NEDD4L: variants seen among roughly 807,000 people sequenced by gnomAD.
NEDD4L encodes NEDD4 like E3 ubiquitin protein ligase, also known as E3 ubiquitin-protein ligase NEDD4-like.
NEDD4L carries 54 observed loss-of-function variants against 148.9 expected under a neutral mutation model. The observed-to-expected ratio is 0.36, with a 90% CI of 0.29 to 0.45. NEDD4L has a LOEUF of 0.45. Ranked by LOEUF, NEDD4L falls within the 20% of genes least tolerant of loss-of-function variation. The pLI, the probability that NEDD4L is intolerant of heterozygous loss-of-function variation, is 1.00. For synonymous variants in NEDD4L, 433 were observed against 440.7 expected (o/e 0.98, Z 0.22); for missense variants, 856 against 1,233.8 (o/e 0.69, Z 4.59).
At chr18:58,122,445 C>T (rs1208379326) in intron 1 of NEDD4L, among the ~76,000 whole-genome samples, 1 of 151,936 alleles carries the variant, frequency 6.6e-6, no homozygotes, top group African/African-American at 2.4e-5. Context: ...TCCAGTGAGC[C>T]GAAATTGCGC....
intron 1 of NEDD4L, among the ~76,000 whole-genome samples, chr18:58,146,905 C>A (rs1409882426): frequency 1.3e-5 from 2 of 152,116 alleles, no homozygotes; most frequent in African/African-American, 4.8e-5. Flanking sequence ...AATTACGTTG[C>A]TGGTGCTGAG....
chr18:58,139,098 G>A lies in NEDD4L; in HGVS notation c.49-26690G>A, dbSNP rs887522399. 2.6e-5 allele frequency among the ~76,000 whole-genome samples: 4 copies of A among 152,138 alleles called. No individual in the cohort carries two copies. In the East Asian group the frequency reaches 5.8e-4, roughly 22 times the overall value. On this transcript the variant is annotated intron_variant, in intron 1 of 30. Coordinates refer to ENST00000400345, the MANE Select transcript of NEDD4L (RefSeq NM_001144967.3). ...TATAATCCTTCAAACGAAAATGCTT[G>A]TACTTATTTTTGATCACTTAATATA...
intron 2 of NEDD4L, among the ~76,000 whole-genome samples, chr18:58,219,148 T>C (rs1281892269): frequency 6.6e-6 from 1 of 152,222 alleles, no homozygotes; most frequent in Non-Finnish European, 1.5e-5. Context: ...CCGATTTCTC[T>C]GGGTTAGGGA....
At chr18:58,245,846 ATTTT>A (rs58940181) in intron 3 of NEDD4L, among the ~76,000 whole-genome samples, 2 of 91,522 alleles carry the variant, frequency 2.2e-5, no homozygotes, top group South Asian at 7.9e-4. Flanking sequence ...ATGCCTGGCT[ATTTT>A]TTTTTTTTTT....
intron 5 of NEDD4L, among the ~76,000 whole-genome samples, chr18:58,272,994 C>T (rs572482566): frequency 1.3e-5 from 2 of 152,326 alleles, no homozygotes; most frequent in African/African-American, 2.4e-5. Flanking sequence ...TAAGGAAACC[C>T]CCAACTCAGG....
chr18:58,307,044 T>TC (rs2057150641), intron 5 of NEDD4L, among the ~76,000 whole-genome samples: 4 of 152,302 alleles, frequency 2.6e-5, no homozygotes, highest in South Asian at 4.1e-4. Context: ...CTGGAGCTTT[T>TC]CCCCCAGCCA....
chr18:58,364,338 G>GT lies in NEDD4L; in HGVS notation c.1833+6dup. 6.5e-7 allele frequency: 1 copy of GT among 1,541,444 alleles called. No homozygotes were observed. The highest frequency in any genetic ancestry group is 8.8e-7 in the Non-Finnish European group (1 of 1,137,120). Reference sequence around the variant, plus strand: ...AGGAAGAAATTAAAGAAACCTGTGAGTAATCATGCCTTCCAAAAATGCTTT... The same window carrying GT: ...AGGAAGAAATTAAAGAAACCTGTGAGTTAATCATGCCTTCCAAAAATGCTTT... On this transcript the variant is annotated splice_donor_region_variant and intron_variant, in intron 20 of 30. Transcript: ENST00000400345.
intron 1 of NEDD4L, among the ~76,000 whole-genome samples, chr18:58,155,457 C>T (rs1421768072): frequency 6.6e-6 from 1 of 152,124 alleles, no homozygotes; most frequent in Non-Finnish European, 1.5e-5. Flanking sequence ...AGGGAAAATC[C>T]AGTAAGCTAA....
chr18:58,364,540 A>G (rs1485376693), intron 20 of NEDD4L, among the ~76,000 whole-genome samples: 1 of 152,256 alleles, frequency 6.6e-6, no homozygotes, highest in Non-Finnish European at 1.5e-5. Flanking sequence ...TCAGTGTTAC[A>G]TATCAAATCA....
At chr18:58,053,689 G>A (rs1423626032) in intron 1 of NEDD4L, among the ~76,000 whole-genome samples, 2 of 152,132 alleles carry the variant, frequency 1.3e-5, no homozygotes, top group Admixed American at 6.5e-5. Context: ...TGCAGTTTTG[G>A]ATCATGTCTT....
intron 18 of NEDD4L, among the ~76,000 whole-genome samples, chr18:58,356,899 G>A (rs190511831): frequency 6.6e-6 from 1 of 151,992 alleles, no homozygotes; most frequent in East Asian, 1.9e-4. Context: ...AAAAGAACAG[G>A]GGTTTATAAT....
At chr18:58,123,577 A>C (rs1018858564) in intron 1 of NEDD4L, among the ~76,000 whole-genome samples, 10 of 152,256 alleles carry the variant, frequency 6.6e-5, no homozygotes, top group Middle Eastern at 3.4e-3. Context: ...CAATTATTCC[A>C]AAACTGCCAA....
chr18:58,272,493 C>T lies in NEDD4L; in HGVS notation c.297+20439C>T, dbSNP rs116931820. On this transcript the variant is annotated intron_variant, in intron 5 of 30. Transcript: ENST00000400345. ...TCTCCAAAAAAATGCACAAATTGGC[C>T]GGTATGTGCCTGTAGTCCCAGCTAT... Among the ~76,000 whole-genome samples, 38 of 151,980 alleles carry T rather than the reference C, an allele frequency of 2.5e-4. 1 individual carries two copies. In the East Asian group the frequency reaches 6.2e-3, roughly 25 times the overall value.
intron 24 of NEDD4L, among the ~76,000 whole-genome samples, chr18:58,376,754 G>C (rs1349567226): frequency 6.6e-6 from 1 of 152,156 alleles, no homozygotes; most frequent in Non-Finnish European, 1.5e-5. Context: ...GGTCTCCCCT[G>C]CCCTTGAGAT....
At chr18:58,183,839 A>G (rs957329323) in intron 2 of NEDD4L, among the ~76,000 whole-genome samples, 1 of 152,102 alleles carries the variant, frequency 6.6e-6, no homozygotes, top group African/African-American at 2.4e-5. Flanking sequence ...CCTCTTTCCT[A>G]TTTACAGCCT....
intron 11 of NEDD4L, among the ~76,000 whole-genome samples, chr18:58,333,146 G>T (rs34517636): frequency 0.5 from 75,685 of 151,428 alleles, 19,195 homozygotes; most frequent in East Asian, 0.66. Flanking sequence ...AGTGTGGTGG[G>T]GGGGGCTTGT....
At chr18:58,261,483 C>T (rs1176719385) in intron 5 of NEDD4L, among the ~76,000 whole-genome samples, 3 of 152,122 alleles carry the variant, frequency 2.0e-5, no homozygotes, top group Non-Finnish European at 4.4e-5. Flanking sequence ...TTTTAAGATA[C>T]TGTCTTTTAG....
chr18:58,071,033 T>TA (rs993292489), intron 1 of NEDD4L, among the ~76,000 whole-genome samples: 2 of 151,724 alleles, frequency 1.3e-5, no homozygotes, highest in Admixed American at 6.6e-5. Context: ...ATATACAGGT[T>TA]AAAAAAACAC....
At chr18:58,295,026 T>TCCC (rs1434951559) in intron 5 of NEDD4L, among the ~76,000 whole-genome samples, 1 of 152,080 alleles carries the variant, frequency 6.6e-6, no homozygotes, top group African/African-American at 2.4e-5. Flanking sequence ...CCCATGTATT[T>TCCC]CCCCCACACA....
Sources: gnomAD v4.1 joint callset for allele counts (sites outside exome capture counted in the v4.1 genomes callset) on GRCh38, gnomAD v4.1.1 for gene constraint, MANE v1.5 for transcripts, NCBI Gene and HGNC (gene_info 2026-07-23, HGNC 2026-07-21) for gene names.